The following FGF14 variants were observed in gnomAD, a reference collection of about 807,000 sequenced individuals.
The protein encoded by FGF14 is fibroblast growth factor 14.
FGF14 carries 5 observed loss-of-function variants against 25.5 expected under a neutral mutation model. The observed-to-expected ratio is 0.20, with a 90% confidence interval of 0.10 to 0.41. The LOEUF is 0.41. Ranked by LOEUF, FGF14 falls within the 10% of genes least tolerant of loss-of-function variation. FGF14 has a pLI of 1.00. For synonymous variants in FGF14, 138 were observed against 118.3 expected, an observed-to-expected ratio of 1.17 and a Z score of -1.08; for missense variants, 222 against 320.1, an observed-to-expected ratio of 0.69 and a Z score of 2.34.
intron 3 of FGF14, among the ~76,000 whole-genome samples, chr13:101,788,965 G>GAGAGAGAGATAGAT (rs2040073837): frequency 1.2e-5 from 1 of 80,606 alleles, no homozygotes; most frequent in Non-Finnish European, 2.8e-5. Context: ...GAGAGAGAGA[G>GAGAGAGAGATAGAT]AGAGACAGAG....
chr13:102,231,374 T>C (rs373477258), intron 1 of FGF14, among the ~76,000 whole-genome samples: 3 of 152,204 alleles, frequency 2.0e-5, no homozygotes, highest in Non-Finnish European at 2.9e-5. Flanking sequence ...AAAAATATTC[T>C]TTGTGAACAG....
intron 1 of FGF14, among the ~76,000 whole-genome samples, chr13:102,096,682 G>T (rs2044416820): frequency 6.6e-6 from 1 of 152,098 alleles, no homozygotes. Flanking sequence ...AACTGTCAGA[G>T]GCAGGATTTC....
intron 1 of FGF14, among the ~76,000 whole-genome samples, chr13:102,086,537 A>T (rs993347880): frequency 2.0e-5 from 3 of 152,178 alleles, no homozygotes; most frequent in Non-Finnish European, 4.4e-5. Context: ...CTCAAAAAAA[A>T]AGAAGTGCTT....
intron 1 of FGF14, among the ~76,000 whole-genome samples, chr13:101,962,397 C>A (rs1197096977): frequency 1.3e-5 from 2 of 152,012 alleles, no homozygotes; most frequent in Non-Finnish European, 2.9e-5. Context: ...ATGATTTTTG[C>A]ACATTGATTT....
chr13:101,846,696 G>T (rs2043480560), intron 3 of FGF14, among the ~76,000 whole-genome samples: 1 of 152,052 alleles, frequency 6.6e-6, no homozygotes, highest in South Asian at 2.1e-4. Context: ...GATAGCCAGA[G>T]TGGCTGTTTC....
upstream of FGF14, among the ~76,000 whole-genome samples, chr13:101,917,794 C>A (rs117936103): frequency 1.1e-4 from 16 of 152,218 alleles, no homozygotes; most frequent in South Asian, 3.3e-3. Flanking sequence ...TGTGATTAAG[C>A]GAGATAGAAA....
intron 1 of FGF14, among the ~76,000 whole-genome samples, chr13:102,185,360 G>A (rs1189682332): frequency 6.6e-6 from 1 of 152,100 alleles, no homozygotes; most frequent in Non-Finnish European, 1.5e-5. Context: ...ATTGATTTTG[G>A]AAAGGCCACA....
At chr13:101,730,951 T>G (rs908388231) in intron 3 of FGF14, among the ~76,000 whole-genome samples, 24 of 152,200 alleles carry the variant, frequency 1.6e-4, no homozygotes, top group African/African-American at 4.6e-4. Context: ...CTTAGATCTT[T>G]AGAAGATCTG....
intron 1 of FGF14, among the ~76,000 whole-genome samples, chr13:102,189,267 T>C (rs924701643): frequency 4.6e-5 from 7 of 152,106 alleles, no homozygotes; most frequent in African/African-American, 9.7e-5. Context: ...GGCTGAGATA[T>C]AGGGTTTAAT....
At chr13:101,904,451 G>T (rs568784853) in intron 1 of FGF14, among the ~76,000 whole-genome samples, 1 of 152,312 alleles carries the variant, frequency 6.6e-6, no homozygotes. Context: ...GAATAGCAGT[G>T]TGAGGCTAGT....
At chr13:102,111,883 T>C (rs2045247143) in intron 1 of FGF14, among the ~76,000 whole-genome samples, 3 of 152,160 alleles carry the variant, frequency 2.0e-5, no homozygotes, top group Non-Finnish European at 4.4e-5. Flanking sequence ...TTGTAGTTTA[T>C]TGTCTCCTGT....
At chr13:101,962,243 G>A (rs931993538) in intron 1 of FGF14, among the ~76,000 whole-genome samples, 1 of 152,096 alleles carries the variant, frequency 6.6e-6, no homozygotes, top group African/African-American at 2.4e-5. Context: ...TTGAGCAGTG[G>A]TTTGTTGCTC....
chr13:102,144,447 T>C (rs956928459), intron 1 of FGF14, among the ~76,000 whole-genome samples: 5 of 152,196 alleles, frequency 3.3e-5, no homozygotes, highest in African/African-American at 7.2e-5. Flanking sequence ...CTATCATATA[T>C]ACATTTACAT....
chr13:101,779,952 C>T (rs2039387386), intron 3 of FGF14, among the ~76,000 whole-genome samples: 1 of 152,146 alleles, frequency 6.6e-6, no homozygotes, highest in East Asian at 1.9e-4. Flanking sequence ...AAGTATCATG[C>T]CTTGAAAAAC....
chr13:102,074,754 T>C (rs973203393), intron 1 of FGF14, among the ~76,000 whole-genome samples: 2 of 152,198 alleles, frequency 1.3e-5, no homozygotes, highest in Non-Finnish European at 2.9e-5. Flanking sequence ...AAGTGCAATT[T>C]ATCCTAGGGA....
At chr13:102,161,681 A>AGAAGAAGAG (rs1566765746) in intron 1 of FGF14, among the ~76,000 whole-genome samples, 3 of 52,178 alleles carry the variant, frequency 5.7e-5, no homozygotes. Flanking sequence ...AAGAAGAAGA[A>AGAAGAAGAG]GAAGAAGAAG....
At chr13:101,944,391 C>A (rs941697088) in intron 1 of FGF14, among the ~76,000 whole-genome samples, 12 of 152,092 alleles carry the variant, frequency 7.9e-5, no homozygotes, top group Admixed American at 7.9e-4. Flanking sequence ...ATGCAAACTC[C>A]ACTCTCTGCA....
chr13:101,740,813 TG>T (rs2036502771), intron 3 of FGF14, among the ~76,000 whole-genome samples: 1 of 152,236 alleles, frequency 6.6e-6, no homozygotes, highest in Non-Finnish European at 1.5e-5. Context: ...TTTTATTTTT[TG>T]GTGGGTATGT....
intron 1 of FGF14, among the ~76,000 whole-genome samples, chr13:101,964,651 T>C (rs2037072633): frequency 2.0e-5 from 3 of 152,208 alleles, no homozygotes; most frequent in Non-Finnish European, 4.4e-5. Flanking sequence ...AAAAGTACCA[T>C]GTTAATAATA....
Sources: gnomAD v4.1 joint callset for allele counts (sites outside exome capture counted in the v4.1 genomes callset) on GRCh38, gnomAD v4.1.1 for gene constraint, MANE v1.5 for transcripts, NCBI Gene and HGNC (gene_info 2026-07-23, HGNC 2026-07-21) for gene names.